The following LRP5 variants were observed in gnomAD, a reference collection of about 807,000 sequenced individuals.
LRP5 encodes LDL receptor related protein 5.
LRP5 carries 62 observed loss-of-function variants against 154.1 expected under a neutral mutation model. The ratio of observed to expected loss-of-function variants is 0.40; its 90% CI spans 0.33 to 0.50. LRP5 has a LOEUF of 0.50. LRP5 is among the 20% of genes least tolerant of loss of function. LRP5 has a pLI of 0.55. For missense variants in LRP5, 1,915 were observed against 2,336.7 expected (o/e 0.82, Z 3.72); for synonymous variants, 966 against 1,011.5 (o/e 0.96, Z 0.85).
intron 9 of LRP5, among the ~76,000 whole-genome samples, chr11:68,409,457 A>T (rs200031479): frequency 1.3e-5 from 2 of 151,552 alleles, no homozygotes; most frequent in African/African-American, 4.9e-5. Flanking sequence ...CTGCATTTCA[A>T]ACATTCATTT....
chr11:68,342,999 G>C (rs999420205), intron 1 of LRP5, among the ~76,000 whole-genome samples: 1 of 152,218 alleles, frequency 6.6e-6, no homozygotes, highest in Admixed American at 6.5e-5. Context: ...GCTGGCCACT[G>C]TGGACTGCCC....
chr11:68,332,423 C>A (rs1276515486), intron 1 of LRP5, among the ~76,000 whole-genome samples: 1 of 152,222 alleles, frequency 6.6e-6, no homozygotes, highest in Non-Finnish European at 1.5e-5. Flanking sequence ...CTGCACCGGG[C>A]CCTGCTCTGC....
intron 19 of LRP5, among the ~76,000 whole-genome samples, chr11:68,437,261 C>T (rs987538153): frequency 6.6e-6 from 1 of 152,236 alleles, no homozygotes; most frequent in African/African-American, 2.4e-5. Context: ...GCAGCACGCA[C>T]CCACCCACGG....
the LRP5 span, among the ~76,000 whole-genome samples, chr11:68,301,347 G>A: frequency 6.0e-5 from 9 of 148,764 alleles, no homozygotes; most frequent in South Asian, 6.3e-4. Context: ...AGTGGCTCAC[G>A]CCTGTGGTCC....
chr11:68,333,268 C>T (rs1046431025), intron 1 of LRP5, among the ~76,000 whole-genome samples: 3 of 152,176 alleles, frequency 2.0e-5, no homozygotes, highest in African/African-American at 7.2e-5. Context: ...TTTCCTGTTT[C>T]TTCTACCTTA....
At chr11:68,341,653 C>G (rs545697286) in intron 1 of LRP5, among the ~76,000 whole-genome samples, 1 of 152,200 alleles carries the variant, frequency 6.6e-6, no homozygotes, top group South Asian at 2.1e-4. Flanking sequence ...GCCATGCTAC[C>G]CCCACACTCT....
chr11:68,406,463 C>T (rs1460320725), intron 8 of LRP5, 61 bp from the exon 9 acceptor site: 44 of 1,557,228 alleles, frequency 2.8e-5, no homozygotes, highest in African/African-American at 1.4e-4. Context: ...GTGGCTTGGC[C>T]GCACCCCTTT....
intron 7 of LRP5, among the ~76,000 whole-genome samples, chr11:68,398,464 C>T (rs1181268475): frequency 2.0e-5 from 3 of 152,140 alleles, no homozygotes; most frequent in African/African-American, 7.2e-5. Flanking sequence ...CTTGGGTGGC[C>T]TCTGGCTGGA....
intron 2 of LRP5, among the ~76,000 whole-genome samples, chr11:68,348,460 CG>C (rs2098615440): frequency 7.0e-6 from 1 of 142,086 alleles, no homozygotes; most frequent in African/African-American, 2.6e-5. Context: ...CCCCAGCACT[CG>C]GTGTCACTCT....
chr11:68,340,498 A>G (rs2098608317), intron 1 of LRP5, among the ~76,000 whole-genome samples: 1 of 152,160 alleles, frequency 6.6e-6, no homozygotes, highest in Non-Finnish European at 1.5e-5. Flanking sequence ...GCGCTTTTCT[A>G]TGAAGCATCC....
chr11:68,442,881 AC>A (rs2098678933), intron 21 of LRP5, among the ~76,000 whole-genome samples: 1 of 151,740 alleles, frequency 6.6e-6, no homozygotes, highest in Non-Finnish European at 1.5e-5. Context: ...CTTCCCCCGC[AC>A]CCTGAAGTTT....
intron 1 of LRP5, among the ~76,000 whole-genome samples, chr11:68,344,584 T>C (rs2098611170): frequency 1.3e-5 from 2 of 152,018 alleles, no homozygotes; most frequent in Admixed American, 6.6e-5. Flanking sequence ...CCTCCCAAAG[T>C]GCTGAGATGA....
At chr11:68,301,773 C>G in the LRP5 span, among the ~76,000 whole-genome samples, 6 of 147,714 alleles carry the variant, frequency 4.1e-5, no homozygotes, top group African/African-American at 1.5e-4. Context: ...CTACAGGCGC[C>G]CGCCACCATG....
chr11:68,347,811 A>C (rs775420629), intron 1 of LRP5, 36 bp from the exon 2 acceptor site: 146 of 1,611,160 alleles, frequency 9.1e-5, no homozygotes, highest in Admixed American at 1.3e-4. Flanking sequence ...TTGCTGGCTT[A>C]GCCAGTGGCC....
intron 1 of LRP5, among the ~76,000 whole-genome samples, chr11:68,325,297 G>T (rs947813212): frequency 2.0e-5 from 3 of 152,202 alleles, no homozygotes; most frequent in African/African-American, 7.2e-5. Flanking sequence ...AGGCAGACGG[G>T]AATGCAGAAT....
chr11:68,332,569 C>G (rs2098603494), intron 1 of LRP5, among the ~76,000 whole-genome samples: 1 of 152,206 alleles, frequency 6.6e-6, no homozygotes, highest in Non-Finnish European at 1.5e-5. Context: ...TCCAGGAGGC[C>G]AGGTCACATT....
chr11:68,366,568 G>A (rs1259370147), intron 5 of LRP5, among the ~76,000 whole-genome samples: 1 of 152,124 alleles, frequency 6.6e-6, no homozygotes, highest in Non-Finnish European at 1.5e-5. Context: ...CGCCCGTGGC[G>A]TGTGGGTCTT....
chr11:68,298,441 G>GT, the LRP5 span, among the ~76,000 whole-genome samples: 1 of 152,226 alleles, frequency 6.6e-6, no homozygotes, highest in Non-Finnish European at 1.5e-5. Flanking sequence ...TTACCAACAT[G>GT]TAGGGAAAAC....
At chr11:68,420,196 G>A (rs1008374699) in intron 13 of LRP5, among the ~76,000 whole-genome samples, 32 of 152,158 alleles carry the variant, frequency 2.1e-4, no homozygotes, top group African/African-American at 3.4e-4. Flanking sequence ...GCAGATGTCC[G>A]AAACTGTCCG....
Sources: allele counts gnomAD v4.1 joint callset (sites outside exome capture counted in the v4.1 genomes callset), GRCh38; gene constraint gnomAD v4.1.1; transcripts MANE v1.5; gene names NCBI Gene and HGNC (gene_info 2026-07-23, HGNC 2026-07-21).